NKAIN3: variants seen among roughly 807,000 people sequenced by gnomAD.
NKAIN3 encodes sodium/potassium-transporting ATPase subunit beta-1-interacting protein 3.
NKAIN3 carries 25 observed loss-of-function variants against 30.2 expected under a neutral mutation model. That is an observed-to-expected ratio of 0.83 (90% CI 0.60 to 1.16). The LOEUF (loss-of-function observed/expected upper bound fraction) is 1.16. Ranked by LOEUF, NKAIN3 falls within the 50% of genes most tolerant of loss-of-function variation. NKAIN3 has a pLI of 0.00. For missense variants in NKAIN3, 225 were observed against 254.1 expected (o/e 0.89, Z 0.78); for synonymous variants, 91 against 89.6 (o/e 1.02, Z -0.09).
chr8:62,646,783 G>T (rs1051506429), intron 3 of NKAIN3, among the ~76,000 whole-genome samples: 1 of 151,942 alleles, frequency 6.6e-6, no homozygotes. Flanking sequence ...TAAAGTAACA[G>T]TATCAAATAA....
chr8:62,854,625 C>G (rs926165489), intron 4 of NKAIN3, among the ~76,000 whole-genome samples: 1 of 152,164 alleles, frequency 6.6e-6, no homozygotes, highest in Non-Finnish European at 1.5e-5. Context: ...AGACAGCGTA[C>G]AGATGGATCT....
chr8:62,741,362 A>G (rs28584208), intron 3 of NKAIN3, among the ~76,000 whole-genome samples: 8,031 of 137,904 alleles, frequency 0.058, 272 homozygotes, highest in Non-Finnish European at 0.067. Context: ...AGAGAGAGAA[A>G]GAAGGAAGGA....
intron 3 of NKAIN3, among the ~76,000 whole-genome samples, chr8:62,676,714 C>CT (rs5891868): frequency 0.014 from 1,966 of 138,520 alleles, 21 homozygotes; most frequent in African/African-American, 0.029. Flanking sequence ...TAATAACAGT[C>CT]TTTTTTTTTT....
At chr8:62,305,707 A>T (rs58806823) in intron 1 of NKAIN3, among the ~76,000 whole-genome samples, 2 of 150,440 alleles carry the variant, frequency 1.3e-5, no homozygotes, top group African/African-American at 5.0e-5. Flanking sequence ...CACAAGCACT[A>T]AAGTGTGATG....
chr8:62,414,569 C>G (rs891454000), intron 1 of NKAIN3, among the ~76,000 whole-genome samples: 1 of 152,116 alleles, frequency 6.6e-6, no homozygotes, highest in Non-Finnish European at 1.5e-5. Context: ...AATGAGTCAA[C>G]TTTTCTAGAT....
chr8:62,360,310 A>T (rs1271012772), intron 1 of NKAIN3, among the ~76,000 whole-genome samples: 1 of 152,200 alleles, frequency 6.6e-6, no homozygotes, highest in Admixed American at 6.5e-5. Flanking sequence ...TATCAAAGCA[A>T]ATGGTATCAG....
At chr8:62,811,950 T>C (rs994548394) in intron 4 of NKAIN3, among the ~76,000 whole-genome samples, 1 of 151,958 alleles carries the variant, frequency 6.6e-6, no homozygotes, top group African/African-American at 2.4e-5. Context: ...CCTGTGTTTT[T>C]TTTTCCCTAA....
At chr8:62,402,246 T>A (rs192901879) in intron 1 of NKAIN3, among the ~76,000 whole-genome samples, 492 of 152,352 alleles carry the variant, frequency 3.2e-3, no homozygotes, top group African/African-American at 0.011. Flanking sequence ...CCAATATTTA[T>A]TCAAGCCCCA....
rs149497206 is a variant in NKAIN3 at position 62,890,864 on chromosome 8, G to A, written c.472-27589G>A. On this transcript the variant is annotated intron_variant, in intron 4 of 6. Transcript: ENST00000623646. ...GTCCTTCCGCACCATTTGCTAATGT[G>A]GTATTTCCAAAATTTTATCCCTTTA... 1.3e-3 allele frequency among the ~76,000 whole-genome samples: 192 copies of A among 152,266 alleles called. 1 individual carries two copies. Among genetic ancestry groups the A allele is most frequent in the African/African-American group, 4.2e-3 (175 of 41,556 alleles).
At chr8:62,992,619 C>CCCCTT (rs1221148439) in intron 5 of NKAIN3, among the ~76,000 whole-genome samples, 1 of 151,952 alleles carries the variant, frequency 6.6e-6, no homozygotes, top group African/African-American at 2.4e-5. Flanking sequence ...TCCCTTTTCT[C>CCCCTT]CCCTTCCCTT....
At chr8:62,814,089 T>G (rs775566693) in intron 4 of NKAIN3, among the ~76,000 whole-genome samples, 1 of 152,092 alleles carries the variant, frequency 6.6e-6, no homozygotes, top group Admixed American at 6.6e-5. Flanking sequence ...CTTTGACTTT[T>G]GATAGTTTGA....
intron 4 of NKAIN3, among the ~76,000 whole-genome samples, chr8:62,832,744 A>C (rs1819236322): frequency 6.6e-6 from 1 of 152,066 alleles, no homozygotes; most frequent in Non-Finnish European, 1.5e-5. Flanking sequence ...AATCATAGTG[A>C]GGGACTTCAA....
At chr8:62,373,991 T>A (rs976638319) in intron 1 of NKAIN3, among the ~76,000 whole-genome samples, 1 of 151,482 alleles carries the variant, frequency 6.6e-6, no homozygotes, top group Non-Finnish European at 1.5e-5. Context: ...CAGGCGCCTG[T>A]AGTCCCAGCT....
At chr8:62,726,783 A>C (rs1188624251) in intron 3 of NKAIN3, among the ~76,000 whole-genome samples, 1 of 152,064 alleles carries the variant, frequency 6.6e-6, no homozygotes, top group Admixed American at 6.5e-5. Context: ...TTAAAGAAGA[A>C]ATTATGCTAT....
intron 1 of NKAIN3, among the ~76,000 whole-genome samples, chr8:62,462,609 A>G (rs1485894330): frequency 6.6e-6 from 1 of 152,088 alleles, no homozygotes; most frequent in Non-Finnish European, 1.5e-5. Context: ...CCTGGGCTGC[A>G]TTTTTTGCCT....
intron 1 of NKAIN3, among the ~76,000 whole-genome samples, chr8:62,535,073 T>A (rs936641151): frequency 6.6e-6 from 1 of 152,160 alleles, no homozygotes; most frequent in Non-Finnish European, 1.5e-5. Flanking sequence ...ATGGAGTCAT[T>A]ACTACCATTC....
intron 3 of NKAIN3, among the ~76,000 whole-genome samples, chr8:62,633,194 C>A (rs542646512): frequency 6.6e-6 from 1 of 152,096 alleles, no homozygotes. Flanking sequence ...AAAATTAATT[C>A]GCACCTCGCA....
intron 1 of NKAIN3, among the ~76,000 whole-genome samples, chr8:62,253,124 C>G (rs1436556873): frequency 6.6e-6 from 1 of 152,186 alleles, no homozygotes; most frequent in East Asian, 1.9e-4. Flanking sequence ...TTCATTGCAC[C>G]TTTCATCACT....
At chr8:62,901,534 G>A (rs1821613553) in intron 4 of NKAIN3, among the ~76,000 whole-genome samples, 1 of 152,166 alleles carries the variant, frequency 6.6e-6, no homozygotes, top group Admixed American at 6.5e-5. Context: ...TGGGCCTACA[G>A]CATCATCAGC....
Sources: allele counts gnomAD v4.1 joint callset (sites outside exome capture counted in the v4.1 genomes callset), GRCh38; gene constraint gnomAD v4.1.1; transcripts MANE v1.5; gene names NCBI Gene and HGNC (gene_info 2026-07-23, HGNC 2026-07-21).